Variants in DPP10 observed in about 807,000 individuals in gnomAD.
The protein encoded by DPP10 is dipeptidyl peptidase like 10, also known as inactive dipeptidyl peptidase 10.
In DPP10, 33 loss-of-function variants were observed where a neutral mutation model predicts 120.9. The observed-to-expected ratio is 0.27, with a 90% CI of 0.21 to 0.37. DPP10 has a LOEUF of 0.37. Among genes scored for constraint, DPP10 ranks in the 10% least tolerant of loss-of-function variants. The pLI is 1.00. For missense variants in DPP10, 816 were observed against 942.8 expected (o/e 0.87, Z 1.76); for synonymous variants, 337 against 326.1 (o/e 1.03, Z -0.36).
intron 1 of DPP10, among the ~76,000 whole-genome samples, chr2:114,839,097 G>T (rs1211921697): frequency 6.6e-6 from 1 of 152,086 alleles, no homozygotes; most frequent in Non-Finnish European, 1.5e-5. Context: ...ATAATTAACA[G>T]ATATTACTTT....
intron 1 of DPP10, among the ~76,000 whole-genome samples, chr2:114,941,578 A>C (rs935673703): frequency 6.6e-6 from 1 of 152,204 alleles, no homozygotes; most frequent in Admixed American, 6.5e-5. Flanking sequence ...AATGATCTCC[A>C]GTTCATTTTA....
chr2:114,908,738 A>T (rs1574465992), intron 1 of DPP10, among the ~76,000 whole-genome samples: 2 of 151,806 alleles, frequency 1.3e-5, no homozygotes, highest in African/African-American at 4.8e-5. Flanking sequence ...TTCTACATTT[A>T]TTGAAATAAT....
chr2:114,894,041 A>G (rs981497889), intron 1 of DPP10, among the ~76,000 whole-genome samples: 16 of 152,044 alleles, frequency 1.1e-4, no homozygotes, highest in African/African-American at 2.4e-5. Context: ...CCACTTTTCA[A>G]TTATTCTACA....
chr2:115,787,795 TAAAG>T (rs1169453202), intron 17 of DPP10, among the ~76,000 whole-genome samples: 19 of 152,150 alleles, frequency 1.2e-4, no homozygotes, highest in South Asian at 2.1e-4. Flanking sequence ...AAACCAATGA[TAAAG>T]AAAAACATTT....
At chr2:115,582,648 A>G (rs764253675) in intron 5 of DPP10, among the ~76,000 whole-genome samples, 2 of 152,318 alleles carry the variant, frequency 1.3e-5, no homozygotes, top group South Asian at 4.1e-4. Context: ...GTCAGTAGCC[A>G]TCAGTTATGT....
intron 1 of DPP10, among the ~76,000 whole-genome samples, chr2:114,664,865 A>G (rs897810572): frequency 6.6e-6 from 1 of 151,066 alleles, no homozygotes; most frequent in Non-Finnish European, 1.5e-5. Context: ...TAGAGCATCC[A>G]AAAGATGGCA....
intron 1 of DPP10, among the ~76,000 whole-genome samples, chr2:115,079,948 C>T (rs1708132097): frequency 6.6e-6 from 1 of 152,074 alleles, no homozygotes; most frequent in Non-Finnish European, 1.5e-5. Flanking sequence ...TGATGATGGC[C>T]CAAGGCTTTA....
intron 1 of DPP10, among the ~76,000 whole-genome samples, chr2:115,160,808 G>T (rs1030545159): frequency 7.2e-5 from 11 of 152,064 alleles, no homozygotes; most frequent in Admixed American, 5.2e-4. Context: ...CAGGCTCCGG[G>T]CTCCCAATTC....
At chr2:114,717,349 A>G (rs537055065) in intron 1 of DPP10, among the ~76,000 whole-genome samples, 1 of 152,346 alleles carries the variant, frequency 6.6e-6, no homozygotes, top group African/African-American at 2.4e-5. Context: ...CAGAGCATCT[A>G]CTTGTCAAAA....
At chr2:115,344,135 CAAA>C (rs751004918) in intron 3 of DPP10, among the ~76,000 whole-genome samples, 4 of 49,288 alleles carry the variant, frequency 8.1e-5, no homozygotes, top group Admixed American at 2.2e-4. Context: ...GACTCCATCT[CAAA>C]AAAAAAAAAA....
chr2:115,667,014 G>A (rs187568699), intron 5 of DPP10, among the ~76,000 whole-genome samples: 11 of 152,222 alleles, frequency 7.2e-5, no homozygotes, highest in Admixed American at 4.6e-4. Flanking sequence ...ATGATTGTAA[G>A]TTTCCTGAGA....
chr2:115,435,142 A>T (rs1004190782), intron 3 of DPP10, among the ~76,000 whole-genome samples: 1 of 151,576 alleles, frequency 6.6e-6, no homozygotes, highest in African/African-American at 2.4e-5. Context: ...GCTGTAATAA[A>T]CCTAAGAGTG....
chr2:115,041,533 T>C (rs1704644733), intron 1 of DPP10, among the ~76,000 whole-genome samples: 1 of 152,186 alleles, frequency 6.6e-6, no homozygotes, highest in South Asian at 2.1e-4. Context: ...ATGACCCAAA[T>C]CAGGATACCA....
chr2:115,174,701 C>T (rs1270785843), intron 1 of DPP10, among the ~76,000 whole-genome samples: 1 of 152,108 alleles, frequency 6.6e-6, no homozygotes, highest in Non-Finnish European at 1.5e-5. Context: ...ATTTACAGTT[C>T]TCGAATTGTT....
chr2:115,841,202 G>T (rs116564918), intron 25 of DPP10, among the ~76,000 whole-genome samples: 65 of 151,120 alleles, frequency 4.3e-4, no homozygotes, highest in African/African-American at 1.5e-3. Flanking sequence ...TTAAATATGA[G>T]AGTTTATTAT....
At chr2:115,506,245 A>G (rs1053181826) in intron 4 of DPP10, among the ~76,000 whole-genome samples, 4 of 152,114 alleles carry the variant, frequency 2.6e-5, no homozygotes, top group Non-Finnish European at 5.9e-5. Flanking sequence ...TATTGGAAAT[A>G]TATTAAATTA....
chr2:115,631,637 C>T (rs1477530628), intron 5 of DPP10, among the ~76,000 whole-genome samples: 1 of 152,126 alleles, frequency 6.6e-6, no homozygotes, highest in African/African-American at 2.4e-5. Context: ...TTTCAAAGAA[C>T]TTCTTGATGT....
At position 114,570,541 on chromosome 2, in the gene DPP10, G is replaced by T. The variant is rs71418503; in HGVS notation, c.60+127703G>T. Among the ~76,000 whole-genome samples the T allele has an allele frequency of 4.6e-5, 7 of 152,078 alleles. No homozygotes were observed. In the East Asian group the frequency reaches 1.4e-3, roughly 29 times the overall value. ...AATTATGATATGAAAAGTAGATGAA[G>T]GTGGCCGGGCATGGTGGCTCACGCC... is the stretch of plus-strand genomic sequence containing the variant. On this transcript the variant is annotated intron_variant, in intron 1 of 25. Coordinates refer to ENST00000410059, the MANE Select transcript of DPP10 (RefSeq NM_020868.6).
At position 114,789,481 on chromosome 2, in the gene DPP10, G is replaced by A. The variant is rs187844527; in HGVS notation, c.60+346643G>A. Among the ~76,000 whole-genome samples the A allele has an allele frequency of 3.2e-3, 487 of 152,248 alleles. 2 individuals carry two copies. Among genetic ancestry groups the A allele is most frequent in the Middle Eastern group, 0.017 (5 of 294 alleles). On this transcript the variant is annotated intron_variant, in intron 1 of 25. Transcript: ENST00000410059. ...AATGATTGATTCTAGAACTGTGGAG[G>A]AGTTCACTTCTCAGAATGCGGTTTC...
Sources: gnomAD v4.1 joint callset for allele counts (sites outside exome capture counted in the v4.1 genomes callset) on GRCh38, gnomAD v4.1.1 for gene constraint, MANE v1.5 for transcripts, NCBI Gene and HGNC (gene_info 2026-07-23, HGNC 2026-07-21) for gene names.